RAPGEF6: variants seen among roughly 807,000 people sequenced by gnomAD.
RAPGEF6 encodes the protein PDZ domain containing guanine nucleotide exchange factor (GEF) 2.
RAPGEF6 carries 56 observed loss-of-function variants against 171.4 expected under a neutral mutation model. The ratio of observed to expected loss-of-function variants is 0.33; its 90% CI spans 0.26 to 0.41. RAPGEF6 has a LOEUF of 0.41. Among genes scored for constraint, RAPGEF6 ranks in the 10% least tolerant of loss-of-function variants. RAPGEF6 has a pLI of 1.00. For missense variants in RAPGEF6, 1,674 were observed against 1,921.4 expected (o/e 0.87, Z 2.41); for synonymous variants, 692 against 650.1 (o/e 1.06, Z -0.98).
intron 4 of RAPGEF6, among the ~76,000 whole-genome samples, chr5:131,570,559 T>G (rs1168284025): frequency 6.6e-6 from 1 of 152,218 alleles, no homozygotes; most frequent in African/African-American, 2.4e-5. Context: ...ATTTTCAATT[T>G]TTAAAATCTT....
intron 21 of RAPGEF6, among the ~76,000 whole-genome samples, chr5:131,452,661 T>C (rs1397557432): frequency 6.7e-6 from 1 of 149,914 alleles, no homozygotes; most frequent in Non-Finnish European, 1.5e-5. Flanking sequence ...AGAGACAGGG[T>C]TTCACCTTGT....
At chr5:131,543,297 A>G (rs1324310159) in intron 6 of RAPGEF6, among the ~76,000 whole-genome samples, 1 of 152,178 alleles carries the variant, frequency 6.6e-6, no homozygotes, top group Non-Finnish European at 1.5e-5. Flanking sequence ...AAAAAATTTT[A>G]AATCAAATAA....
In RAPGEF6 at chr5:131,553,048, C is replaced by T. The variant is rs144178019; in HGVS notation, c.352-4858G>A. On this transcript the variant is annotated intron_variant, in intron 5 of 27. Coordinates refer to ENST00000509018, the MANE Select transcript of RAPGEF6 (RefSeq NM_016340.6). ...CAGTAACCAAGCAGTTGAAGCTTGA[C>T]CAGGACAAGAAAGCCCTAAGTGCCC... Among the ~76,000 whole-genome samples, 227 of 152,212 alleles carry T rather than the reference C, an allele frequency of 1.5e-3. 10 individuals carry two copies. The South Asian group carries it at 0.046, about 31-fold the overall frequency.
At chr5:131,475,325 A>G (rs1755024466) in intron 16 of RAPGEF6, among the ~76,000 whole-genome samples, 1 of 152,234 alleles carries the variant, frequency 6.6e-6, no homozygotes, top group African/African-American at 2.4e-5. Flanking sequence ...ATGCAGTAAC[A>G]GAAGAAAAAT....
At position 131,464,198 on chromosome 5, in the gene RAPGEF6, C is replaced by T; in HGVS notation, c.2323G>A (p.Glu775Lys). 6 of 1,613,828 alleles carry T rather than the reference C, an allele frequency of 3.7e-6. No homozygotes were observed. In the East Asian group the frequency reaches 1.3e-4, roughly 36 times the overall value. Residue 775 changes from glutamate to lysine, a missense_variant, in exon 18 of 28, where the codon GAA becomes AAA. This residue lies in a region of RAPGEF6 where 1,116 missense variants were observed against 1,321.5 expected (regional missense o/e 0.84). Transcript: ENST00000509018. ...TCATGAACAGCATGAAAAACTACTT[C>T]TTTAGCTGTGGTGTCTTTACTGATG... is the stretch of plus-strand genomic sequence containing the variant. ...IIISKDTTAK[E>K]VVFHAVHEFG...
At chr5:131,533,938 A>C (rs1759579678) in intron 6 of RAPGEF6, among the ~76,000 whole-genome samples, 1 of 152,102 alleles carries the variant, frequency 6.6e-6, no homozygotes, top group African/African-American at 2.4e-5. Context: ...ACACAATACC[A>C]CTAGTACCCA....
At chr5:131,447,444 C>T (rs1752791196) in intron 21 of RAPGEF6, 1 of 152,038 alleles carries the variant, frequency 6.6e-6, no homozygotes, top group South Asian at 2.1e-4. Context: ...TGGAAATAAC[C>T]ACAATTCAAA....
chr5:131,451,386 C>T (rs1753058777), intron 21 of RAPGEF6, among the ~76,000 whole-genome samples: 1 of 151,440 alleles, frequency 6.6e-6, no homozygotes, highest in African/African-American at 2.4e-5. Context: ...GAGTTCAAGA[C>T]CAGCCTGGGC....
At chr5:131,448,638 CAAAT>C (rs1752870207) in intron 21 of RAPGEF6, among the ~76,000 whole-genome samples, 1 of 151,952 alleles carries the variant, frequency 6.6e-6, no homozygotes, top group Admixed American at 6.6e-5. Context: ...AAAATTCTAA[CAAAT>C]AAAAACACTG....
intron 5 of RAPGEF6, among the ~76,000 whole-genome samples, chr5:131,554,621 G>C (rs185208535): frequency 1.3e-5 from 2 of 152,298 alleles, no homozygotes; most frequent in Admixed American, 6.5e-5. Flanking sequence ...CCGGGTTCAA[G>C]TGATTCTCCA....
At chr5:131,441,147 T>C (rs1054932291) in intron 23 of RAPGEF6, among the ~76,000 whole-genome samples, 1 of 152,232 alleles carries the variant, frequency 6.6e-6, no homozygotes, top group Non-Finnish European at 1.5e-5. Context: ...TCTCTGCATC[T>C]TGGAAGCTGT....
intron 21 of RAPGEF6, among the ~76,000 whole-genome samples, chr5:131,450,543 G>A (rs1272369528): frequency 6.6e-6 from 1 of 152,104 alleles, no homozygotes; most frequent in Non-Finnish European, 1.5e-5. Flanking sequence ...TGTAAGAAAT[G>A]TTGACCAGCA....
intron 6 of RAPGEF6, among the ~76,000 whole-genome samples, chr5:131,546,952 C>T (rs1760586486): frequency 1.3e-5 from 2 of 152,116 alleles, no homozygotes; most frequent in South Asian, 4.1e-4. Flanking sequence ...ATATTACTTA[C>T]ACAGTAAAGC....
intron 4 of RAPGEF6, among the ~76,000 whole-genome samples, chr5:131,569,626 T>C (rs1460013046): frequency 6.6e-6 from 1 of 152,224 alleles, no homozygotes; most frequent in South Asian, 2.1e-4. Context: ...AACTGTAAGA[T>C]GAAATAATCG....
intron 21 of RAPGEF6, among the ~76,000 whole-genome samples, chr5:131,449,153 A>C (rs1752902674): frequency 6.6e-6 from 1 of 152,214 alleles, no homozygotes; most frequent in African/African-American, 2.4e-5. Flanking sequence ...CACAAAAGTC[A>C]TCTCTTTCTT....
intron 1 of RAPGEF6, among the ~76,000 whole-genome samples, chr5:131,620,780 C>T (rs1765551376): frequency 6.6e-6 from 1 of 152,056 alleles, no homozygotes; most frequent in South Asian, 2.1e-4. Flanking sequence ...TTAGTAGAGA[C>T]AGCATTTTGC....
intron 4 of RAPGEF6, among the ~76,000 whole-genome samples, chr5:131,568,324 G>A (rs188442993): frequency 4.3e-4 from 42 of 98,088 alleles, no homozygotes; most frequent in Non-Finnish European, 7.5e-4. Context: ...TTTTTTAAAT[G>A]TTATTTTTGT....
intron 4 of RAPGEF6, among the ~76,000 whole-genome samples, chr5:131,584,334 C>A (rs1459578750): frequency 1.3e-5 from 2 of 152,140 alleles, no homozygotes; most frequent in African/African-American, 4.8e-5. Context: ...AAAGTTATAA[C>A]CATAAGAAAA....
In RAPGEF6 at chr5:131,559,058, C is replaced by T. The variant is rs184584148; in HGVS notation, c.351+2920G>A. Among the ~76,000 whole-genome samples, 175 of 152,110 alleles carry T rather than the reference C, an allele frequency of 1.2e-3. 1 individual carries two copies. The highest frequency in any genetic ancestry group is 3.1e-4 in the African/African-American group (13 of 41,488). Reference sequence around the variant, plus strand: ...ATTAAAATCTCCTGGCCAGGCAAAGCGGCTCACACCTGTTAATCCCAGCGC... The same window carrying T: ...ATTAAAATCTCCTGGCCAGGCAAAGTGGCTCACACCTGTTAATCCCAGCGC... On this transcript the variant is annotated intron_variant, in intron 5 of 27. Coordinates refer to ENST00000509018, the MANE Select transcript of RAPGEF6 (RefSeq NM_016340.6).
Sources: allele counts gnomAD v4.1 joint callset (sites outside exome capture counted in the v4.1 genomes callset), GRCh38; gene constraint gnomAD v4.1.1; regional missense constraint gnomAD v4.1.1; transcripts MANE v1.5; gene names NCBI Gene and HGNC (gene_info 2026-07-23, HGNC 2026-07-21).